Variants in S100A8 observed in about 807,000 individuals in gnomAD.
S100A8 encodes the protein S100 calcium binding protein A8, also known as protein S100-A8.
Under a neutral mutation model 4.2 loss-of-function variants are expected in S100A8, and 1 was observed. The ratio of observed to expected loss-of-function variants is 0.24; its 90% CI spans 0.08 to 1.12. The LOEUF (loss-of-function observed/expected upper bound fraction) is 1.12, where lower values mean the gene tolerates loss of function less well. Ranked by LOEUF, S100A8 falls within the 50% of genes most tolerant of loss-of-function variation. S100A8 has a pLI of 0.53. For missense variants in S100A8, 96 were observed against 111.8 expected, an observed-to-expected ratio of 0.86 and a Z score of 0.64; for synonymous variants, 41 against 44.7, an observed-to-expected ratio of 0.92 and a Z score of 0.33.
chr1:153,390,999 A>G (rs1571167748), intron 1 of S100A8, 42 bp downstream of exon 1: 1 of 990,030 alleles, frequency 1.0e-6, no homozygotes, highest in East Asian at 1.1e-4. Flanking sequence ...CCTCCCCAAG[A>G]GAAGCCCAAA....
At chr1:153,399,707 C>T in the S100A8 span, among the ~76,000 whole-genome samples, 1 of 152,296 alleles carries the variant, frequency 6.6e-6, no homozygotes, top group African/African-American at 2.4e-5. Flanking sequence ...GTGACACAGA[C>T]AGGTGCTCCA....
At chr1:153,405,939 G>C in the S100A8 span, among the ~76,000 whole-genome samples, 41 of 152,170 alleles carry the variant, frequency 2.7e-4, no homozygotes, top group East Asian at 7.9e-3. Context: ...CTGTCTCTCT[G>C]TCCCGCTCCC....
chr1:153,390,917 G>T, intron 1 of S100A8, 124 bp downstream of exon 1: 2 of 672,538 alleles, frequency 3.0e-6, no homozygotes, highest in Non-Finnish European at 3.7e-6. Flanking sequence ...CCCACCTCCA[G>T]GAGTATCTTT....
chr1:153,415,384 G>C, the S100A8 span, among the ~76,000 whole-genome samples: 2 of 152,188 alleles, frequency 1.3e-5, no homozygotes, highest in Non-Finnish European at 2.9e-5. Flanking sequence ...AGTGCTTAAA[G>C]GGCTGGCACT....
chr1:153,398,872 G>C, the S100A8 span, among the ~76,000 whole-genome samples: 1 of 152,198 alleles, frequency 6.6e-6, no homozygotes, highest in Non-Finnish European at 1.5e-5. Flanking sequence ...TTGGAGCTTC[G>C]TTCAAACCCA....
the S100A8 span, among the ~76,000 whole-genome samples, chr1:153,405,781 CT>C: frequency 2.0e-4 from 30 of 152,098 alleles, no homozygotes; most frequent in South Asian, 5.8e-3. Context: ...CTCTCTGTGT[CT>C]TTTTTTAACC....
chr1:153,397,431 G>C, the S100A8 span, among the ~76,000 whole-genome samples: 2 of 152,236 alleles, frequency 1.3e-5, no homozygotes, highest in African/African-American at 4.8e-5. Context: ...AGCTGTCCAG[G>C]TTGTTCCGAG....
At chr1:153,397,613 G>A in the S100A8 span, among the ~76,000 whole-genome samples, 1 of 152,170 alleles carries the variant, frequency 6.6e-6, no homozygotes, top group Non-Finnish European at 1.5e-5. Flanking sequence ...CAGGGCGGGT[G>A]AGGCAGCTTT....
the S100A8 span, among the ~76,000 whole-genome samples, chr1:153,400,657 C>T: frequency 6.6e-6 from 1 of 152,194 alleles, no homozygotes; most frequent in African/African-American, 2.4e-5. Flanking sequence ...AGTGGTTCAT[C>T]AATACACTTT....
chr1:153,414,553 C>T, the S100A8 span, among the ~76,000 whole-genome samples: 2 of 152,150 alleles, frequency 1.3e-5, no homozygotes, highest in Non-Finnish European at 2.9e-5. Context: ...ATTAAAACAA[C>T]AATGAGATAC....
chr1:153,398,185 G>A, the S100A8 span, among the ~76,000 whole-genome samples: 3 of 152,114 alleles, frequency 2.0e-5, no homozygotes, highest in Non-Finnish European at 4.4e-5. Context: ...TGGATAGACA[G>A]CAGCACCCCA....
the S100A8 span, among the ~76,000 whole-genome samples, chr1:153,402,925 T>A: frequency 6.6e-6 from 1 of 152,174 alleles, no homozygotes; most frequent in Admixed American, 6.5e-5. Context: ...GTCACATAGA[T>A]CAACAGAACT....
chr1:153,417,917 A>G, the S100A8 span: 1 of 980,376 alleles, frequency 1.0e-6, no homozygotes, highest in East Asian at 2.7e-5. Context: ...ATTTTTGAAC[A>G]ACTTATCCCA....
the S100A8 span, chr1:153,421,409 G>A: frequency 9.2e-5 from 14 of 152,220 alleles, no homozygotes; most frequent in Non-Finnish European, 1.9e-4. Flanking sequence ...GGAAAACATT[G>A]TTACCTCGGA....
At chr1:153,398,759 C>T in the S100A8 span, among the ~76,000 whole-genome samples, 1 of 152,198 alleles carries the variant, frequency 6.6e-6, no homozygotes, top group African/African-American at 2.4e-5. Context: ...ACGTAACCCT[C>T]ACGTGGGCCA....
At chr1:153,414,201 T>C in the S100A8 span, among the ~76,000 whole-genome samples, 1 of 152,216 alleles carries the variant, frequency 6.6e-6, no homozygotes, top group African/African-American at 2.4e-5. Context: ...TTGGTTTTGG[T>C]GATGACTTTT....
At chr1:153,420,503 T>C in the S100A8 span, 1 of 152,450 alleles carries the variant, frequency 6.6e-6, no homozygotes, top group South Asian at 2.1e-4. Flanking sequence ...ATCTCAAAAA[T>C]TCTCTTTCCA....
chr1:153,390,638 C>G, intron 1 of S100A8, 81 bp from the exon 2 acceptor site: 1 of 1,530,092 alleles, frequency 6.5e-7, no homozygotes, highest in Non-Finnish European at 8.9e-7. Flanking sequence ...ATTCATGCCC[C>G]AAGCGATGGC....
At chr1:153,414,392 G>T in the S100A8 span, among the ~76,000 whole-genome samples, 1 of 152,164 alleles carries the variant, frequency 6.6e-6, no homozygotes, top group Non-Finnish European at 1.5e-5. Flanking sequence ...AACGTACAAA[G>T]AACTCTTAAA....
Sources: allele counts gnomAD v4.1 joint callset (sites outside exome capture counted in the v4.1 genomes callset), GRCh38; gene constraint gnomAD v4.1.1; transcripts MANE v1.5; gene names NCBI Gene and HGNC (gene_info 2026-07-23, HGNC 2026-07-21).